The following LARP4B variants were observed in gnomAD, a reference collection of about 807,000 sequenced individuals.
The protein encoded by LARP4B is La ribonucleoprotein 4B.
In LARP4B, 12 loss-of-function variants were observed where a neutral mutation model predicts 89.8. That is an observed-to-expected ratio of 0.13 (90% CI 0.09 to 0.22). The LOEUF (loss-of-function observed/expected upper bound fraction) is 0.22, where lower values mean the gene tolerates loss of function less well. LARP4B is among the 10% of genes least tolerant of loss of function. LARP4B has a pLI of 1.00. For missense variants in LARP4B, 757 were observed against 947.7 expected, an observed-to-expected ratio of 0.80 and a Z score of 2.64; for synonymous variants, 367 against 363.3, an observed-to-expected ratio of 1.01 and a Z score of -0.12.
At chr10:933,276 T>G (rs1830704861), upstream of LARP4B, among the ~76,000 whole-genome samples, 1 of 152,192 alleles carries the variant, frequency 6.6e-6, no homozygotes, top group Non-Finnish European at 1.5e-5. Context: ...GTACCTGTGC[T>G]TACAACTGCT....
chr10:869,189 C>T (rs943620476), intron 3 of LARP4B, among the ~76,000 whole-genome samples: 1 of 152,174 alleles, frequency 6.6e-6, no homozygotes, highest in Non-Finnish European at 1.5e-5. Context: ...TTAAAAGCAG[C>T]AAATTCTACC....
chr10:966,966 T>C, the LARP4B span, among the ~76,000 whole-genome samples: 1 of 152,216 alleles, frequency 6.6e-6, no homozygotes, highest in African/African-American at 2.4e-5. Flanking sequence ...AGCCAAAGGA[T>C]TATCGTCTCC....
intron 5 of LARP4B, among the ~76,000 whole-genome samples, chr10:849,100 A>C (rs1833918407): frequency 6.6e-6 from 1 of 152,156 alleles, no homozygotes; most frequent in Non-Finnish European, 1.5e-5. Flanking sequence ...AGCCGGAGGA[A>C]GTGGAGCAAA....
chr10:950,834 C>T, the LARP4B span, among the ~76,000 whole-genome samples: 2 of 149,608 alleles, frequency 1.3e-5, no homozygotes, highest in African/African-American at 2.5e-5. Context: ...GTATGTTTGT[C>T]ATGTATCCTG....
At chr10:955,135 C>T in the LARP4B span, among the ~76,000 whole-genome samples, 1 of 152,180 alleles carries the variant, frequency 6.6e-6, no homozygotes, top group African/African-American at 2.4e-5. This position sits in a 1 kb window ranked among gnomAD's most constrained non-coding sequence, Gnocchi z 5.2. Flanking sequence ...TCCCATCCCA[C>T]AGCCACACTC....
At chr10:866,160 A>G (rs1834889233) in intron 3 of LARP4B, among the ~76,000 whole-genome samples, 1 of 152,240 alleles carries the variant, frequency 6.6e-6, no homozygotes, top group African/African-American at 2.4e-5. Flanking sequence ...CACCATGCCC[A>G]TAAAACCAGG....
intron 1 of LARP4B, among the ~76,000 whole-genome samples, chr10:921,446 CTAT>C (rs1051164971): frequency 1.3e-5 from 2 of 152,082 alleles, no homozygotes; most frequent in African/African-American, 4.8e-5. Flanking sequence ...CATGAAAAAC[CTAT>C]TCTCAATAAC....
At chr10:943,085 TAC>T in the LARP4B span, among the ~76,000 whole-genome samples, 1 of 152,042 alleles carries the variant, frequency 6.6e-6, no homozygotes, top group Non-Finnish European at 1.5e-5. Flanking sequence ...TAGCTGGGAT[TAC>T]AGGCACACAC....
chr10:974,882 T>C, the LARP4B span, among the ~76,000 whole-genome samples: 2 of 152,208 alleles, frequency 1.3e-5, no homozygotes, highest in Non-Finnish European at 1.5e-5. Context: ...AGCCTCCCAC[T>C]CTGCCATTCA....
At chr10:967,214 C>T in the LARP4B span, among the ~76,000 whole-genome samples, 28 of 152,076 alleles carry the variant, frequency 1.8e-4, no homozygotes, top group African/African-American at 2.4e-4. Flanking sequence ...ACAGGACAAA[C>T]GGAAAGCTAT....
At chr10:895,118 A>G (rs1268691554) in intron 1 of LARP4B, among the ~76,000 whole-genome samples, 1 of 152,186 alleles carries the variant, frequency 6.6e-6, no homozygotes, top group Non-Finnish European at 1.5e-5. Flanking sequence ...TCCGGGAGGC[A>G]GAGGTTGCAG....
intron 1 of LARP4B, among the ~76,000 whole-genome samples, chr10:926,140 G>T (rs540548027): frequency 1.4e-4 from 21 of 152,224 alleles, no homozygotes; most frequent in Middle Eastern, 3.4e-3. Context: ...AACATCTACA[G>T]TTTACCAGTC....
chr10:918,805 G>A (rs1033916183), intron 1 of LARP4B, among the ~76,000 whole-genome samples: 9 of 152,072 alleles, frequency 5.9e-5, no homozygotes, highest in African/African-American at 1.2e-4. Flanking sequence ...GGCCAGGTGC[G>A]GTGGCTCACG....
rs545285656 is a variant in LARP4B at position 919,888 on chromosome 10, G to C, written c.-40+11540C>G. ...AAAGATGAACTGTAAGCTGCAGTCT[G>C]ATTACACGATACAAACCGGAGGGTG... On this transcript the variant is annotated intron_variant, in intron 1 of 17. Coordinates refer to ENST00000316157, the MANE Select transcript of LARP4B (RefSeq NM_015155.3). Among the ~76,000 whole-genome samples the C allele has an allele frequency of 2.9e-3, 442 of 152,308 alleles. 3 individuals are homozygous for C. The highest frequency in any genetic ancestry group is 0.01 in the African/African-American group (420 of 41,568).
chr10:880,461 C>G (rs960883888), intron 3 of LARP4B, among the ~76,000 whole-genome samples: 4 of 152,012 alleles, frequency 2.6e-5, no homozygotes, highest in Non-Finnish European at 5.9e-5. Context: ...CCAAGGCGGG[C>G]AGATCACTTG....
chr10:912,764 C>T (rs548934589), intron 1 of LARP4B, among the ~76,000 whole-genome samples: 60 of 151,544 alleles, frequency 4.0e-4, no homozygotes, highest in African/African-American at 1.5e-3. Context: ...GTGGCGTGCG[C>T]CTGTGGTCCC....
At chr10:937,229 G>A in the LARP4B span, among the ~76,000 whole-genome samples, 93 of 152,234 alleles carry the variant, frequency 6.1e-4, 1 homozygote, top group South Asian at 1.7e-3. Context: ...TTTTTGTAGA[G>A]ACGAGGTTTC....
At chr10:862,256 T>TAAAAAAAAAAAAAAA (rs10661482) in intron 5 of LARP4B, among the ~76,000 whole-genome samples, 7 of 84,394 alleles carry the variant, frequency 8.3e-5, no homozygotes, top group African/African-American at 2.1e-4. Flanking sequence ...CCACTGAAGT[T>TAAAAAAAAAAAAAAA]AAAAAAAAAA....
chr10:884,154 T>C (rs933275076), intron 3 of LARP4B, among the ~76,000 whole-genome samples: 1 of 152,218 alleles, frequency 6.6e-6, no homozygotes, highest in African/African-American at 2.4e-5. Flanking sequence ...TATAACAGAT[T>C]ATCAATGATA....
Sources: gnomAD v4.1 joint callset for allele counts (sites outside exome capture counted in the v4.1 genomes callset) on GRCh38, gnomAD v4.1.1 for gene constraint, Gnocchi (gnomAD v3.1) non-coding constraint, MANE v1.5 for transcripts, NCBI Gene and HGNC (gene_info 2026-07-23, HGNC 2026-07-21) for gene names.